The following C12orf56 variants were observed in gnomAD, a reference collection of about 807,000 sequenced individuals.
C12orf56 encodes the protein uncharacterized protein C12orf56.
In C12orf56, 71 loss-of-function variants were observed where a neutral mutation model predicts 69.9. The ratio of observed to expected loss-of-function variants is 1.02; its 90% confidence interval spans 0.84 to 1.24. The LOEUF (loss-of-function observed/expected upper bound fraction) is 1.24. C12orf56 is among the 50% of genes most tolerant of loss of function. The pLI is 0.00. For missense variants in C12orf56, 732 were observed against 738.5 expected (o/e 0.99, Z 0.10); for synonymous variants, 276 against 274.1 (o/e 1.01, Z -0.07).
At chr12:64,303,513 T>C in intron 6 of C12orf56, 122 bp downstream of exon 6, 1 of 839,794 alleles carries the variant, frequency 1.2e-6, no homozygotes, top group Non-Finnish European at 1.8e-6. Context: ...TTAAATTTTA[T>C]CAACATTTAA....
chr12:64,347,446 T>C (rs2135945192), intron 2 of C12orf56, among the ~76,000 whole-genome samples: 1 of 152,126 alleles, frequency 6.6e-6, no homozygotes, highest in South Asian at 2.1e-4. Flanking sequence ...CCACCACGCC[T>C]GGCTAATTTT....
At chr12:64,357,883 G>T (rs1429024023) in intron 1 of C12orf56, among the ~76,000 whole-genome samples, 1 of 151,666 alleles carries the variant, frequency 6.6e-6, no homozygotes, top group Non-Finnish European at 1.5e-5. Flanking sequence ...CTGGGTGACA[G>T]AGGGAGACTC....
chr12:64,379,810 G>A (rs1366727968), intron 1 of C12orf56, among the ~76,000 whole-genome samples: 4 of 150,722 alleles, frequency 2.7e-5, no homozygotes, highest in African/African-American at 7.3e-5. Flanking sequence ...TAAGCCGGGC[G>A]CAGTGGCTCA....
At position 64,388,855 on chromosome 12, in the gene C12orf56, C is replaced by CA. The variant is rs565914833; in HGVS notation, c.252+1458dup. On this transcript the variant is annotated intron_variant, in intron 1 of 12. Coordinates refer to ENST00000543942, the MANE Select transcript of C12orf56 (RefSeq NM_001170633.2). Reference sequence around the variant, plus strand: ...CTGGATGACAGAGTGAGACTGTCTCCAAAAAAATTGTTTTAGTTCAAGAGA... The same window carrying CA: ...CTGGATGACAGAGTGAGACTGTCTCCAAAAAAAATTGTTTTAGTTCAAGAGA... Among the ~76,000 whole-genome samples, 43 of 151,918 alleles carry CA rather than the reference C, an allele frequency of 2.8e-4. 1 individual carries two copies. In the South Asian group the frequency reaches 8.7e-3, roughly 31 times the overall value.
chr12:64,386,398 A>ATATATATTTT (rs752756817), intron 1 of C12orf56, among the ~76,000 whole-genome samples: 1 of 87,344 alleles, frequency 1.1e-5, no homozygotes, highest in African/African-American at 5.0e-5. Context: ...ATATATATAT[A>ATATATATTTT]TTTTTTTTTT....
chr12:64,330,840 TA>T, intron 3 of C12orf56, 119 bp downstream of exon 3: 1 of 730,388 alleles, frequency 1.4e-6, no homozygotes, highest in Non-Finnish European at 2.2e-6. Flanking sequence ...ATTGCATATG[TA>T]AGATTAATAG....
intron 8 of C12orf56, among the ~76,000 whole-genome samples, chr12:64,283,426 T>TC (rs539490876): frequency 8.5e-4 from 129 of 152,020 alleles, no homozygotes; most frequent in African/African-American, 3.0e-3. Context: ...AATGCTACTG[T>TC]CCCCCCCTAT....
chr12:64,270,729 TAC>T lies in C12orf56; in HGVS notation c.1585-17_1585-16del, dbSNP rs1381945299. 6.3e-7 allele frequency: 1 copy of T among 1,590,426 alleles called. No individual in the cohort carries two copies. On this transcript the variant is annotated splice_polypyrimidine_tract_variant and intron_variant, in intron 11 of 12. Coordinates refer to ENST00000543942, the MANE Select transcript of C12orf56 (RefSeq NM_001170633.2). ...ACAAAAGTAATCTAGACAAGGAAAA[TAC>T]AGTTACATGTAGGCTGTGTGCCACC...
intron 2 of C12orf56, among the ~76,000 whole-genome samples, chr12:64,334,557 AT>A (rs1253850940): frequency 6.6e-6 from 1 of 152,212 alleles, no homozygotes; most frequent in Non-Finnish European, 1.5e-5. Flanking sequence ...GTAAATAGTT[AT>A]ACTGTATTGT....
intron 1 of C12orf56, among the ~76,000 whole-genome samples, chr12:64,368,618 C>T (rs11175368): frequency 0.13 from 20,055 of 152,116 alleles, 1,575 homozygotes; most frequent in East Asian, 0.36. Flanking sequence ...ACAGCAATCT[C>T]ATTACCAGAA....
Position 64,355,072 on chromosome 12 carries a change from C to T in C12orf56, c.253-2016G>A, listed in dbSNP as rs866354519. ...CAGCCTGGGGAACAAAGTGAGACTC[C>T]GTCTCAAAAAAAAAAAAAAAAAAAA... On this transcript the variant is annotated intron_variant, in intron 1 of 12. Transcript: ENST00000543942. 3.4e-3 allele frequency among the ~76,000 whole-genome samples: 308 copies of T among 89,732 alleles called. 2 individuals carry two copies. The highest frequency in any genetic ancestry group is 0.012 in the African/African-American group (285 of 23,974). The allele number at this position is 89,732 out of a possible 152,430, so 58.9% of individuals were successfully genotyped here.
intron 1 of C12orf56, among the ~76,000 whole-genome samples, chr12:64,386,367 C>A (rs1225377167): frequency 6.9e-6 from 1 of 145,732 alleles, no homozygotes. Flanking sequence ...GTGTGTGCTA[C>A]CACTGCTGGC....
In C12orf56 at chr12:64,284,766, C is replaced by A. The variant is rs116024464; in HGVS notation, c.1221-13G>T. 1.3e-6 allele frequency: 2 copies of A among 1,549,698 alleles called. No individual in the cohort carries two copies. Among genetic ancestry groups the A allele is most frequent in the South Asian group, 1.2e-5 (1 of 81,482 alleles). ...TTCAATGCATGCCCTAGAAAATAAA[C>A]GATAAAAGGCAAAGAAATGGCATGA... On this transcript the variant is annotated splice_polypyrimidine_tract_variant and intron_variant, in intron 7 of 12. Coordinates refer to ENST00000543942, the MANE Select transcript of C12orf56 (RefSeq NM_001170633.2).
intron 12 of C12orf56, among the ~76,000 whole-genome samples, chr12:64,268,997 G>A (rs1299136408): frequency 6.6e-6 from 1 of 152,090 alleles, no homozygotes; most frequent in African/African-American, 2.4e-5. Flanking sequence ...TTAGCTAGGC[G>A]TGATGGTGCA....
chr12:64,273,826 TG>T (rs913345571), intron 11 of C12orf56, among the ~76,000 whole-genome samples: 88 of 152,298 alleles, frequency 5.8e-4, no homozygotes, highest in African/African-American at 1.8e-3. Flanking sequence ...AGGCCACTTC[TG>T]ATCACATTTC....
At chr12:64,282,605 C>T (rs868261230) in intron 8 of C12orf56, among the ~76,000 whole-genome samples, 55 of 151,720 alleles carry the variant, frequency 3.6e-4, no homozygotes, top group African/African-American at 1.2e-3. Context: ...AAAACCCCAT[C>T]TCTATGAAAA....
At chr12:64,319,933 A>T (rs2038748580) in intron 3 of C12orf56, among the ~76,000 whole-genome samples, 1 of 152,056 alleles carries the variant, frequency 6.6e-6, no homozygotes, top group African/African-American at 2.4e-5. Context: ...TCTGTTTGTT[A>T]CGGCTCGAGC....
chr12:64,337,800 T>C (rs1048570267), intron 2 of C12orf56, among the ~76,000 whole-genome samples: 3 of 142,560 alleles, frequency 2.1e-5, no homozygotes, highest in African/African-American at 8.0e-5. Context: ...GAGGTTGCAG[T>C]GAGCTGAGAT....
intron 2 of C12orf56, among the ~76,000 whole-genome samples, chr12:64,336,726 A>G (rs10784404): frequency 0.64 from 96,863 of 152,034 alleles, 30,866 homozygotes; most frequent in Middle Eastern, 0.69. Context: ...CTCTGAGTCC[A>G]ACTTGGAATA....
Sources: gnomAD v4.1 joint callset for allele counts (sites outside exome capture counted in the v4.1 genomes callset) on GRCh38, gnomAD v4.1.1 for gene constraint, MANE v1.5 for transcripts, NCBI Gene and HGNC (gene_info 2026-07-23, HGNC 2026-07-21) for gene names.